The following CSMD1 variants were observed in gnomAD, a reference collection of about 807,000 sequenced individuals.
CSMD1 encodes the protein CUB and sushi domain-containing protein 1.
In CSMD1, 213 loss-of-function variants were observed where a neutral mutation model predicts 417.5. The observed-to-expected ratio is 0.51, with a 90% CI of 0.46 to 0.57. CSMD1 has a LOEUF of 0.57. Among genes scored for constraint, CSMD1 ranks in the 20% least tolerant of loss-of-function variants. CSMD1 has a pLI of 0.00. For missense variants in CSMD1, 6,923 were observed against 4,529.7 expected (o/e 1.53, Z -15.17); for synonymous variants, 2,862 against 1,736.8 (o/e 1.65, Z -16.11).
intron 6 of CSMD1, among the ~76,000 whole-genome samples, chr8:3,734,799 C>T (rs1221023404): frequency 6.6e-6 from 1 of 152,222 alleles, no homozygotes; most frequent in East Asian, 1.9e-4. Flanking sequence ...CAACTGGGTG[C>T]TGAGGCCCCG....
rs201248164 is a variant in CSMD1, at chr8:4,883,804, AT to A, written c.85+110527del. Among the ~76,000 whole-genome samples the A allele has an allele frequency of 9.7e-3, 1,470 of 152,044 alleles. 37 individuals carry two copies. Among genetic ancestry groups the A allele is most frequent in the African/African-American group, 0.033 (1,367 of 41,416 alleles). On this transcript the variant is annotated intron_variant, in intron 1 of 69. Coordinates refer to ENST00000635120, the MANE Select transcript of CSMD1 (RefSeq NM_033225.6). ...ATGAACATTCATGTACACAAAAAATATTTTTTTGTGAGCATTTATTTTAATT... is the reference window on the plus strand; with the variant it reads ...ATGAACATTCATGTACACAAAAAATATTTTTTGTGAGCATTTATTTTAATT...
intron 5 of CSMD1, among the ~76,000 whole-genome samples, chr8:3,781,512 G>A (rs918555832): frequency 2.8e-4 from 42 of 152,022 alleles, no homozygotes; most frequent in African/African-American, 8.7e-4. Flanking sequence ...TTAGGTGTGC[G>A]ATTGTGGACA....
intron 3 of CSMD1, among the ~76,000 whole-genome samples, chr8:4,219,219 C>T (rs1208579113): frequency 1.3e-5 from 2 of 152,174 alleles, no homozygotes; most frequent in African/African-American, 4.8e-5. Context: ...TATTTTTTCA[C>T]CCTCTTTTAC....
At chr8:3,412,754 A>G (rs1458887173) in intron 12 of CSMD1, among the ~76,000 whole-genome samples, 1 of 152,238 alleles carries the variant, frequency 6.6e-6, no homozygotes, top group East Asian at 1.9e-4. Context: ...CCTTTGCTTA[A>G]AGATAGTTCT....
chr8:3,331,237 C>CAAA (rs112278319), intron 23 of CSMD1, among the ~76,000 whole-genome samples: 46 of 128,510 alleles, frequency 3.6e-4, no homozygotes, highest in Admixed American at 3.4e-3. Context: ...GACTCCGTCT[C>CAAA]AAAAAAAAAA....
intron 3 of CSMD1, among the ~76,000 whole-genome samples, chr8:4,078,931 ATATATATATATG>A (rs1163381405): frequency 0.087 from 2,275 of 26,046 alleles, 43 homozygotes; most frequent in Middle Eastern, 0.16. Flanking sequence ...ATATATATAT[ATATATATATATG>A]TATGTTGAAA....
intron 49 of CSMD1, among the ~76,000 whole-genome samples, chr8:3,069,596 G>A (rs1366869959): frequency 6.6e-6 from 1 of 152,122 alleles, no homozygotes. Context: ...CAAGGCCTTG[G>A]GCAGCTTTGC....
chr8:4,755,247 C>A (rs1230978180), intron 1 of CSMD1, among the ~76,000 whole-genome samples: 1 of 152,192 alleles, frequency 6.6e-6, no homozygotes, highest in African/African-American at 2.4e-5. Flanking sequence ...TGTTTATACT[C>A]ATGTAGGACA....
intron 1 of CSMD1, among the ~76,000 whole-genome samples, chr8:4,762,167 G>C (rs1247458418): frequency 6.6e-6 from 1 of 152,022 alleles, no homozygotes; most frequent in Non-Finnish European, 1.5e-5. Context: ...CCTAGCAAAA[G>C]AGAACCAAAA....
intron 3 of CSMD1, among the ~76,000 whole-genome samples, chr8:4,094,711 C>G (rs59866162): frequency 0.22 from 34,102 of 151,930 alleles, 4,731 homozygotes; most frequent in African/African-American, 0.39. Context: ...TCTAGAGAGA[C>G]AGGGCAGTGG....
intron 6 of CSMD1, among the ~76,000 whole-genome samples, chr8:3,743,774 G>A (rs941219023): frequency 1.3e-5 from 2 of 152,138 alleles, no homozygotes; most frequent in African/African-American, 2.4e-5. Context: ...GATGTAAATT[G>A]ATAAGTTTAT....
At chr8:3,949,545 C>T (rs144613011) in intron 5 of CSMD1, among the ~76,000 whole-genome samples, 1 of 152,152 alleles carries the variant, frequency 6.6e-6, no homozygotes, top group African/African-American at 2.4e-5. Flanking sequence ...TTAAGTGTGT[C>T]TAATTTGGGG....
At chr8:3,293,894 G>A (rs1264681111) in intron 25 of CSMD1, among the ~76,000 whole-genome samples, 6 of 152,200 alleles carry the variant, frequency 3.9e-5, no homozygotes, top group Non-Finnish European at 7.3e-5. Context: ...TTTGGAGGAG[G>A]AGAGGTGTTC....
At chr8:4,772,111 G>A (rs867702496) in intron 1 of CSMD1, among the ~76,000 whole-genome samples, 1 of 152,156 alleles carries the variant, frequency 6.6e-6, no homozygotes, top group African/African-American at 2.4e-5. Flanking sequence ...TAGGCTTCCA[G>A]GGTCATTTGG....
chr8:3,542,577 C>A (rs983998712), intron 10 of CSMD1, among the ~76,000 whole-genome samples: 1 of 152,140 alleles, frequency 6.6e-6, no homozygotes, highest in Non-Finnish European at 1.5e-5. Flanking sequence ...CAGGAAAGAG[C>A]GTACGTGCTG....
intron 3 of CSMD1, among the ~76,000 whole-genome samples, chr8:4,183,989 A>G (rs2131186839): frequency 6.6e-6 from 1 of 152,326 alleles, no homozygotes; most frequent in Non-Finnish European, 1.5e-5. Context: ...AGCCTCCGAC[A>G]GTGTCATACA....
intron 23 of CSMD1, among the ~76,000 whole-genome samples, chr8:3,315,579 A>G (rs139960414): frequency 3.3e-5 from 5 of 152,136 alleles, no homozygotes; most frequent in Non-Finnish European, 5.9e-5. Flanking sequence ...TTTTTCCCAT[A>G]TATTAAGTTT....
At chr8:3,654,982 A>G (rs115086987) in intron 7 of CSMD1, among the ~76,000 whole-genome samples, 1,873 of 152,350 alleles carry the variant, frequency 0.012, 47 homozygotes, top group African/African-American at 0.043. Context: ...TGAAAATGCC[A>G]GGTGTGAAGA....
chr8:4,723,800 A>AC (rs1554457699), intron 1 of CSMD1, among the ~76,000 whole-genome samples: 1 of 120,844 alleles, frequency 8.3e-6, no homozygotes. Context: ...AAAAAAAAAA[A>AC]CAAAAAAAAA....
Sources: allele counts gnomAD v4.1 joint callset (sites outside exome capture counted in the v4.1 genomes callset), GRCh38; gene constraint gnomAD v4.1.1; transcripts MANE v1.5; gene names NCBI Gene and HGNC (gene_info 2026-07-23, HGNC 2026-07-21).